CLSTN3: variants seen among roughly 807,000 people sequenced by gnomAD.
CLSTN3 encodes calsyntenin-3.
Under a neutral mutation model 95.9 loss-of-function variants are expected in CLSTN3, and 36 were observed. That is an observed-to-expected ratio of 0.38 (90% CI 0.29 to 0.50). The LOEUF (loss-of-function observed/expected upper bound fraction) is 0.50, where lower values mean the gene tolerates loss of function less well. CLSTN3 is among the 20% of genes least tolerant of loss of function. The probability of loss-of-function intolerance (pLI) is 0.95; values close to 1 mark genes in which losing one functional copy is unlikely to be tolerated. For synonymous variants in CLSTN3, 481 were observed against 504.0 expected (o/e 0.95, Z 0.61); for missense variants, 1,084 against 1,268.8 (o/e 0.85, Z 2.21).
chr12:7,150,515 C>T lies in CLSTN3; in HGVS notation c.2246-29C>T, dbSNP rs1159029952. Reference sequence around the variant, plus strand: ...TGCCCAGGTCCTGCCTCCACTGGCCCCTGCCCTGAGGTGCTTCCTCATCTC... The same window carrying T: ...TGCCCAGGTCCTGCCTCCACTGGCCTCTGCCCTGAGGTGCTTCCTCATCTC... On this transcript the variant is annotated intron_variant, in intron 14 of 17. Coordinates refer to ENST00000266546, the MANE Select transcript of CLSTN3 (RefSeq NM_014718.4). This position sits in a 1 kb window ranked among gnomAD's most constrained non-coding sequence, Gnocchi z 4.0. The T allele has an allele frequency of 3.1e-6, 5 of 1,597,014 alleles. No individual in the cohort carries two copies. The African/African-American group carries it at 5.4e-5, about 17-fold the overall frequency.
At chr12:7,136,768 G>T (rs1480282304) in intron 6 of CLSTN3, 61 bp from the exon 7 acceptor site, 13 of 1,577,766 alleles carry the variant, frequency 8.2e-6, no homozygotes, top group Middle Eastern at 1.7e-4. Flanking sequence ...CCTGCCTCCT[G>T]CCCTTTTCAC....
Position 7,136,198 on chromosome 12 carries a change from C to T in CLSTN3, c.743-8C>T. On this transcript the variant is annotated splice_region_variant and splice_polypyrimidine_tract_variant and intron_variant, in intron 5 of 17. Coordinates refer to ENST00000266546, the MANE Select transcript of CLSTN3 (RefSeq NM_014718.4). ...CTCCCCATCACCCTCTCTGTCTCAC[C>T]CATGCAGGCTGGAACAAAAGGATCG... 6.2e-7 allele frequency: 1 copy of T among 1,612,498 alleles called. No homozygotes were observed. The highest frequency in any genetic ancestry group is 8.5e-7 in the Non-Finnish European group (1 of 1,179,050).
intron 16 of CLSTN3, among the ~76,000 whole-genome samples, chr12:7,153,757 G>C (rs1939766402): frequency 6.6e-6 from 1 of 152,150 alleles, no homozygotes; most frequent in Non-Finnish European, 1.5e-5. Context: ...AGGTAGATAG[G>C]GGTGCTGCCT....
rs1468403713 is a variant in CLSTN3 at position 7,135,424 on chromosome 12, G to A, written c.481G>A (p.Asp161Asn). Residue 161 changes from aspartate to asparagine, a missense_variant, in exon 4 of 18, where the codon GAT becomes AAT. Coordinates refer to ENST00000266546, the MANE Select transcript of CLSTN3 (RefSeq NM_014718.4). ...GGCTGTGACAGAGGGGAAGCTGTAC[G>A]ATCGCATCCTGCGGGTGGAAGCCAT... ...RAAVTEGKLY[D>N]RILRVEAIDG... 3.7e-6 allele frequency: 6 copies of A among 1,614,136 alleles called. No homozygotes were observed. Among genetic ancestry groups the A allele is most frequent in the East Asian group, 4.5e-5 (2 of 44,882 alleles).
rs1472385741 is a variant in CLSTN3 at position 7,150,771 on chromosome 12, G to A, written c.2391+82G>A. The stretch of plus-strand genomic sequence containing the variant: ...TGGCATGGACTCAAAATGTTAGTTG[G>A]TGGGCATGGACATGGCAGCGTGGAG... On this transcript the variant is annotated intron_variant, in intron 15 of 17. Coordinates refer to ENST00000266546, the MANE Select transcript of CLSTN3 (RefSeq NM_014718.4). This position sits in a 1 kb window ranked among gnomAD's most constrained non-coding sequence, Gnocchi z 4.0. 8.0e-5 allele frequency: 127 copies of A among 1,580,050 alleles called. No homozygotes were observed. The highest frequency in any genetic ancestry group is 1.1e-4 in the Non-Finnish European group (125 of 1,156,492).
intron 16 of CLSTN3, 90 bp downstream of exon 16, chr12:7,151,153 G>A (rs1939718050): frequency 7.1e-7 from 1 of 1,400,034 alleles, no homozygotes; most frequent in Non-Finnish European, 9.4e-7. Context: ...CTCTGGGAGA[G>A]GACAAGGTAG....
upstream of CLSTN3, chr12:7,129,545 T>C (rs1939238832): frequency 1.1e-6 from 1 of 906,852 alleles, no homozygotes; most frequent in African/African-American, 1.8e-5. This position sits in a 1 kb window ranked among gnomAD's most constrained non-coding sequence, Gnocchi z 5.5. Flanking sequence ...TCTTTTTGGC[T>C]TGGGACCCAG....
chr12:7,150,723 C>T lies in CLSTN3; in HGVS notation c.2391+34C>T. 6.2e-7 allele frequency: 1 copy of T among 1,603,796 alleles called. No individual in the cohort carries two copies. ...AGAGTCTCCTTCCTTCCACAGTTAC[C>T]CACCCCCAGAAAGGAGCTGAGGTGG... On this transcript the variant is annotated intron_variant, in intron 15 of 17. Coordinates refer to ENST00000266546, the MANE Select transcript of CLSTN3 (RefSeq NM_014718.4). This position sits in a 1 kb window ranked among gnomAD's most constrained non-coding sequence, Gnocchi z 4.0.
chr12:7,136,006 C>G lies in CLSTN3; in HGVS notation c.742+53C>G, dbSNP rs1939407134. 4.5e-6 allele frequency: 7 copies of G among 1,557,212 alleles called. No individual in the cohort carries two copies. The South Asian group carries it at 8.6e-5, about 19-fold the overall frequency. The stretch of plus-strand genomic sequence containing the variant: ...TGTGAATCATCTTTTTTCTTGGTCT[C>G]TCTTTCTGTCCTTTCTGACAATCAT... On this transcript the variant is annotated intron_variant, in intron 5 of 17. Transcript: ENST00000266546.
At chr12:7,132,540 T>C (rs1939325631) in intron 1 of CLSTN3, 1 of 265,262 alleles carries the variant, frequency 3.8e-6, no homozygotes, top group East Asian at 8.8e-5. Context: ...GGATCAGGAC[T>C]GAAATGAGTT....
intron 1 of CLSTN3, 32 bp downstream of exon 1, chr12:7,130,744 A>AG (rs754859294): frequency 1.1e-4 from 112 of 1,003,228 alleles, no homozygotes; most frequent in Admixed American, 6.7e-4. Flanking sequence ...GTACCGAAAG[A>AG]GGGGCGTCGG....
At chr12:7,132,289 TG>T (rs1939320515) in intron 1 of CLSTN3, 1 of 232,872 alleles carries the variant, frequency 4.3e-6, no homozygotes, top group Non-Finnish European at 8.7e-6. Context: ...TGTGTTCTCT[TG>T]GGTGTGGGGG....
chr12:7,135,796 C>A lies in CLSTN3; in HGVS notation c.593-8C>A, dbSNP rs868339319. The A allele has an allele frequency of 1.3e-6, 2 of 1,596,840 alleles. No homozygotes were observed. The highest frequency in any genetic ancestry group is 1.7e-4 in the Middle Eastern group (1 of 5,960). On this transcript the variant is annotated splice_polypyrimidine_tract_variant and splice_region_variant and intron_variant, in intron 4 of 17. Coordinates refer to ENST00000266546, the MANE Select transcript of CLSTN3 (RefSeq NM_014718.4). ...CTCTAATGCTCTGTCCTCCTGACCCCACCCCAGGGAACATTGAGAACACAG... is the reference window on the plus strand; with the variant it reads ...CTCTAATGCTCTGTCCTCCTGACCCAACCCCAGGGAACATTGAGAACACAG...
Position 7,133,115 on chromosome 12 carries a change from C to T in CLSTN3, c.156C>T (p.Ala52=), listed in dbSNP as rs1409828016. The change falls in exon 2 of 18, where the codon GCC becomes GCT. Residue 52 remains alanine (A), a synonymous_variant. Transcript: ENST00000266546. This position sits in a 1 kb window ranked among gnomAD's most constrained non-coding sequence, Gnocchi z 4.7. ...TCCTACTGAATCCACCACTCTTTGC[C>T]TTGGACAAGGATGCCCCGCTGCGCT... ...NTVLLNPPLF[A]LDKDAPLRYA... The T allele has an allele frequency of 6.2e-7, 1 of 1,613,758 alleles. No homozygotes were observed.
At chr12:7,130,339 C>G (rs931690834), upstream of CLSTN3, 52 of 1,288,828 alleles carry the variant, frequency 4.0e-5, no homozygotes, top group African/African-American at 6.8e-4. Context: ...GGCCGGCGGC[C>G]CCATCAATCG....
At chr12:7,130,342 A>G (rs1591611576), upstream of CLSTN3, 1 of 1,050,714 alleles carries the variant, frequency 9.5e-7, no homozygotes. Flanking sequence ...CGGCGGCCCC[A>G]TCAATCGTTG....
At chr12:7,135,284 T>C in intron 3 of CLSTN3, 43 bp from the exon 4 acceptor site, 1 of 1,588,630 alleles carries the variant, frequency 6.3e-7, no homozygotes, top group South Asian at 1.1e-5. Flanking sequence ...ATGTCGAGGC[T>C]GGCTGACGTG....
At chr12:7,131,339 G>T in intron 1 of CLSTN3, 1 of 224,748 alleles carries the variant, frequency 4.4e-6, no homozygotes. Context: ...GGGAGGGCTT[G>T]CGGGCAGAGG....
At chr12:7,146,365 A>G (rs1326508947) in intron 12 of CLSTN3, among the ~76,000 whole-genome samples, 14 of 152,112 alleles carry the variant, frequency 9.2e-5, no homozygotes, top group African/African-American at 3.4e-4. Flanking sequence ...GCACCACTGC[A>G]TTCCAGCCTG....
Sources: allele counts gnomAD v4.1 joint callset (sites outside exome capture counted in the v4.1 genomes callset), GRCh38; gene constraint gnomAD v4.1.1; non-coding constraint Gnocchi (gnomAD v3.1); transcripts MANE v1.5; gene names NCBI Gene and HGNC (gene_info 2026-07-23, HGNC 2026-07-21).